The following EIF2AK3 variants were observed in gnomAD, a reference collection of about 807,000 sequenced individuals.
EIF2AK3 encodes the protein eukaryotic translation initiation factor 2-alpha kinase 3.
EIF2AK3 carries 50 observed loss-of-function variants against 113.5 expected under a neutral mutation model. The observed-to-expected ratio is 0.44, with a 90% CI of 0.35 to 0.56. The LOEUF (loss-of-function observed/expected upper bound fraction) is 0.56. Among genes scored for constraint, EIF2AK3 ranks in the 20% least tolerant of loss-of-function variants. The pLI is 0.00. For synonymous variants in EIF2AK3, 448 were observed against 495.4 expected (o/e 0.90, Z 1.27); for missense variants, 1,185 against 1,378.0 (o/e 0.86, Z 2.22).
chr2:88,564,855 G>A (rs1674064646), intron 14 of EIF2AK3, among the ~76,000 whole-genome samples: 1 of 152,186 alleles, frequency 6.6e-6, no homozygotes, highest in African/African-American at 2.4e-5. Context: ...CAGGCAGGGA[G>A]TGAAGGGAGA....
chr2:88,586,049 T>C lies in EIF2AK3; in HGVS notation c.1442A>G (p.Tyr481Cys). 1 of 1,613,824 alleles carries C rather than the reference T, an allele frequency of 6.2e-7. No homozygotes were observed. The highest frequency in any genetic ancestry group is 8.5e-7 in the Non-Finnish European group (1 of 1,179,734). Residue 481 changes from tyrosine to cysteine, a missense_variant, in exon 9 of 17, where the codon TAT (tyrosine) becomes TGT (cysteine). Physicochemically the swap from Tyr to Cys is radical, Grantham distance 194. Coordinates refer to ENST00000303236, the MANE Select transcript of EIF2AK3 (RefSeq NM_004836.7). ...CCTCTCCCTCTTGTAGTATGGTAGA[T>C]AATAACCATTATCTTCAAATAGAAA... ...ILQYPYDNGY[Y>C]LPYYKRERNK...
At chr2:88,574,298 C>G (rs749194479) in intron 13 of EIF2AK3, among the ~76,000 whole-genome samples, 1 of 152,124 alleles carries the variant, frequency 6.6e-6, no homozygotes, top group South Asian at 2.1e-4. Flanking sequence ...CAGGGTTACT[C>G]AAAACCATAG....
chr2:88,605,893 G>T (rs1675259484), intron 2 of EIF2AK3, among the ~76,000 whole-genome samples: 1 of 152,162 alleles, frequency 6.6e-6, no homozygotes, highest in Non-Finnish European at 1.5e-5. Flanking sequence ...AATCATACCT[G>T]AAAGACAAGG....
intron 1 of EIF2AK3, among the ~76,000 whole-genome samples, chr2:88,614,756 A>G (rs1298360007): frequency 6.6e-6 from 1 of 152,112 alleles, no homozygotes; most frequent in Non-Finnish European, 1.5e-5. Context: ...CATCTTAAGC[A>G]CTACTTTGCA....
At chr2:88,613,584 A>G (rs1675502704) in intron 2 of EIF2AK3, 140 bp downstream of exon 2, 3 of 829,526 alleles carry the variant, frequency 3.6e-6, no homozygotes, top group Middle Eastern at 2.6e-4. Flanking sequence ...TAGAAAAGTT[A>G]AGTAATTGCC....
chr2:88,586,065 C>A lies in EIF2AK3; in HGVS notation c.1430-4G>T. ...TATGGTAGATAATAACCATTATCTT[C>A]AAATAGAAACATTAAAACGTTTTTT... On this transcript the variant is annotated splice_region_variant and splice_polypyrimidine_tract_variant and intron_variant, in intron 8 of 16. Transcript: ENST00000303236. 6.2e-7 allele frequency: 1 copy of A among 1,610,950 alleles called. No individual in the cohort carries two copies. Among genetic ancestry groups the A allele is most frequent in the Non-Finnish European group, 8.5e-7 (1 of 1,177,490 alleles).
At chr2:88,586,203 A>G (rs1396321833) in intron 8 of EIF2AK3, 142 bp from the exon 9 acceptor site, 1 of 679,892 alleles carries the variant, frequency 1.5e-6, no homozygotes, top group East Asian at 2.7e-5. Flanking sequence ...ACGTATTTTA[A>G]ACATCTTAAT....
intron 14 of EIF2AK3, among the ~76,000 whole-genome samples, chr2:88,568,198 G>C (rs1485291032): frequency 6.6e-6 from 1 of 152,138 alleles, no homozygotes; most frequent in Non-Finnish European, 1.5e-5. Context: ...ACTGGTCTCT[G>C]ATATAATCTT....
chr2:88,604,674 A>G (rs1675226626), intron 2 of EIF2AK3, among the ~76,000 whole-genome samples: 1 of 152,140 alleles, frequency 6.6e-6, no homozygotes, highest in Admixed American at 6.6e-5. Flanking sequence ...CCCTCCTGCA[A>G]TCCCGCAATG....
chr2:88,612,092 A>G (rs984967771), intron 2 of EIF2AK3, among the ~76,000 whole-genome samples: 9 of 152,136 alleles, frequency 5.9e-5, no homozygotes, highest in African/African-American at 2.2e-4. Context: ...AGCTAATATA[A>G]CGGCTATGTG....
rs199902769 is a variant in EIF2AK3, at chr2:88,595,676, C to T, written c.439-13G>A. ...TATTCCCAAATACCTAAAACAGAAG[C>T]TAACTTTTTAAAAGGGCCATAACAT... On this transcript the variant is annotated splice_polypyrimidine_tract_variant and intron_variant, in intron 2 of 16. Transcript: ENST00000303236. 11 of 1,612,792 alleles carry T rather than the reference C, an allele frequency of 6.8e-6. No homozygotes were observed. The African/African-American group carries it at 1.3e-4, about 20-fold the overall frequency.
At chr2:88,625,696 G>A (rs1386862347) in intron 1 of EIF2AK3, among the ~76,000 whole-genome samples, 2 of 152,134 alleles carry the variant, frequency 1.3e-5, no homozygotes, top group South Asian at 2.1e-4. Context: ...CTGTTGAAGT[G>A]GATTTGAATT....
Position 88,579,505 on chromosome 2 carries a change from TAC to T in EIF2AK3, c.1886+11_1886+12del, listed in dbSNP as rs1349713629. 2.5e-6 allele frequency: 4 copies of T among 1,613,350 alleles called. No individual in the cohort carries two copies. The highest frequency in any genetic ancestry group is 3.4e-6 in the Non-Finnish European group (4 of 1,179,572). ...GTGCTGATTTCAAGTTTACTGAAGG[TAC>T]CACCCATTACCTATTGGGGAGACGG... On this transcript the variant is annotated intron_variant, in intron 11 of 16. Coordinates refer to ENST00000303236, the MANE Select transcript of EIF2AK3 (RefSeq NM_004836.7).
intron 1 of EIF2AK3, among the ~76,000 whole-genome samples, chr2:88,616,119 A>G (rs1481220685): frequency 1.3e-5 from 2 of 151,916 alleles, no homozygotes; most frequent in Admixed American, 6.6e-5. Flanking sequence ...CTCTACCTAC[A>G]TGTAATTTTT....
intron 1 of EIF2AK3, among the ~76,000 whole-genome samples, 154 bp downstream of exon 1, chr2:88,626,813 G>A (rs1219027009): frequency 6.6e-6 from 1 of 152,230 alleles, no homozygotes; most frequent in Non-Finnish European, 1.5e-5. Context: ...ATGGGAGGGC[G>A]TCGTGGCCCC....
intron 3 of EIF2AK3, 102 bp from the exon 4 acceptor site, chr2:88,593,507 T>A: frequency 7.2e-7 from 1 of 1,385,082 alleles, no homozygotes; most frequent in Admixed American, 1.9e-5. Context: ...GAAAGGAAAC[T>A]AAGGAAATGT....
chr2:88,582,099 T>C (rs1476961672), intron 10 of EIF2AK3, among the ~76,000 whole-genome samples: 3 of 152,184 alleles, frequency 2.0e-5, no homozygotes, highest in African/African-American at 7.2e-5. Flanking sequence ...TGTGACCTTA[T>C]GTTCGGCAGG....
chr2:88,557,478 A>C lies in EIF2AK3; in HGVS notation c.*258T>G. On this transcript the variant is annotated 3_prime_UTR_variant, in exon 17 of 17. Transcript: ENST00000303236. ...CCTCCTTAGGCAAATGGTGAGGGCT[A>C]TAAAGCTTGGCCAGCAGCCAGTTTC... 3.8e-6 allele frequency: 2 copies of C among 521,008 alleles called. No homozygotes were observed. Among genetic ancestry groups the C allele is most frequent in the South Asian group, 4.2e-5 (2 of 47,906 alleles). The allele number at this position is 521,008 out of a possible 1,614,324, so 32.3% of individuals were successfully genotyped here.
At position 88,595,636 on chromosome 2, in the gene EIF2AK3, A is replaced by G; in HGVS notation, c.466T>C (p.Ser156Pro). The G allele has an allele frequency of 1.9e-6, 3 of 1,613,996 alleles. No homozygotes were observed. Among genetic ancestry groups the G allele is most frequent in the Non-Finnish European group, 2.5e-6 (3 of 1,179,912 alleles). The change falls in exon 3 of 17, where the codon TCC (serine) becomes CCC (proline). Residue 156 changes from serine (S) to proline (P), a missense_variant. Coordinates refer to ENST00000303236, the MANE Select transcript of EIF2AK3 (RefSeq NM_004836.7). ...EVFGNKMIIP[S>P]LDGALFQWDQ... is the part of the protein sequence containing the mutation. ...CACTGGAAGAGGGCTCCATCCAGGG[A>G]AGGAATGATCATCTTATTCCCAAAT... is the stretch of plus-strand genomic sequence containing the variant.
Sources: gnomAD v4.1 joint callset for allele counts (sites outside exome capture counted in the v4.1 genomes callset) on GRCh38, gnomAD v4.1.1 for gene constraint, MANE v1.5 for transcripts, NCBI Gene and HGNC (gene_info 2026-07-23, HGNC 2026-07-21) for gene names.